STAB2: variants seen among roughly 807,000 people sequenced by gnomAD.
STAB2 encodes the protein stabilin-2.
In STAB2, 288 loss-of-function variants were observed where a neutral mutation model predicts 338.1. That is an observed-to-expected ratio of 0.85 (90% CI 0.77 to 0.94). STAB2 has a LOEUF of 0.94. STAB2 is among the 40% of genes least tolerant of loss of function. The pLI, the probability that STAB2 is intolerant of heterozygous loss-of-function variation, is 0.00. For synonymous variants in STAB2, 1,202 were observed against 1,193.3 expected (o/e 1.01, Z -0.15); for missense variants, 3,141 against 3,210.1 (o/e 0.98, Z 0.52).
intron 8 of STAB2, among the ~76,000 whole-genome samples, chr12:103,638,865 A>G (rs932390122): frequency 6.6e-6 from 1 of 152,190 alleles, no homozygotes; most frequent in Non-Finnish European, 1.5e-5. Flanking sequence ...AGTGAAGGAA[A>G]TGTGTCCATA....
Position 103,623,959 on chromosome 12 carries a change from A to C in STAB2, c.487+1848A>C, listed in dbSNP as rs147008069. 2.1e-4 allele frequency among the ~76,000 whole-genome samples: 32 copies of C among 152,308 alleles called. No homozygotes were observed. The East Asian group carries it at 6.2e-3, about 29-fold the overall frequency. On this transcript the variant is annotated intron_variant, in intron 5 of 68. Coordinates refer to ENST00000388887, the MANE Select transcript of STAB2 (RefSeq NM_017564.10). ...GTCTAAAGAATGTGGGCATGGTAGA[A>C]ACAGTGTCTGCTAGATCCACGTCTC...
chr12:103,681,279 A>G (rs893781278), intron 25 of STAB2, among the ~76,000 whole-genome samples: 2 of 152,170 alleles, frequency 1.3e-5, no homozygotes, highest in Non-Finnish European at 2.9e-5. Flanking sequence ...TTGAGTTGGC[A>G]GATTGCACTT....
At position 103,631,496 on chromosome 12, in the gene STAB2, C is replaced by T. The variant is rs545987642; in HGVS notation, c.488-102C>T. On this transcript the variant is annotated intron_variant, in intron 5 of 68. Transcript: ENST00000388887. ...GAGAGAGGAGCCAAAGTTCAAACAA[C>T]ATGCAGAGTCTCAGCAAAGATGATC... is the stretch of plus-strand genomic sequence containing the variant. 218 of 1,093,612 alleles carry T rather than the reference C, an allele frequency of 2.0e-4. No homozygotes were observed. The African/African-American group carries it at 3.2e-3, about 16-fold the overall frequency. The allele number at this position is 1,093,612 out of a possible 1,614,324, so 67.7% of individuals were successfully genotyped here.
chr12:103,664,742 A>T (rs990165660), intron 18 of STAB2, among the ~76,000 whole-genome samples: 1 of 152,140 alleles, frequency 6.6e-6, no homozygotes, highest in African/African-American at 2.4e-5. Context: ...TGATTCTTTT[A>T]ATTCTAGATA....
intron 20 of STAB2, chr12:103,669,201 C>T (rs1166408195): frequency 1.3e-5 from 4 of 297,470 alleles, no homozygotes; most frequent in Middle Eastern, 9.6e-4. Context: ...CTTTGTTTTC[C>T]CAGCACTCAC....
intron 5 of STAB2, among the ~76,000 whole-genome samples, chr12:103,625,878 A>G (rs1957373811): frequency 6.6e-6 from 1 of 152,188 alleles, no homozygotes; most frequent in African/African-American, 2.4e-5. Flanking sequence ...ATACCCAGTA[A>G]TGGGATGGCT....
intron 33 of STAB2, among the ~76,000 whole-genome samples, chr12:103,697,382 C>A (rs571719833): frequency 6.6e-6 from 1 of 152,224 alleles, no homozygotes; most frequent in African/African-American, 2.4e-5. Context: ...CTAACCCAAC[C>A]CATTTCTTTA....
rs749373115 is a variant in STAB2, at chr12:103,655,556, C to T, written c.1709C>T (p.Thr570Ile). Residue 570 changes from threonine (T) to isoleucine (I), a missense_variant, in exon 15 of 69, where the codon ACT becomes ATT. By Grantham distance (89) the Thr-to-Ile change is moderately conservative (BLOSUM62 -1). Coordinates refer to ENST00000388887, the MANE Select transcript of STAB2 (RefSeq NM_017564.10). ...NEALNNMKDG[T>I]LDYLLSPEGS... ...GCATTGAATAACATGAAGGACGGCA[C>T]TCTCGATTACCTCCTTTCTCCAGAG... 6 of 1,613,844 alleles carry T rather than the reference C, an allele frequency of 3.7e-6. No individual in the cohort carries two copies. The highest frequency in any genetic ancestry group is 3.3e-5 in the South Asian group (3 of 91,056).
chr12:103,653,846 GGA>G (rs1873966705), intron 12 of STAB2, among the ~76,000 whole-genome samples: 4 of 138,362 alleles, frequency 2.9e-5, no homozygotes, highest in Admixed American at 7.1e-5. Flanking sequence ...ATGGGTGGAT[GGA>G]TGGATGGATG....
intron 31 of STAB2, among the ~76,000 whole-genome samples, chr12:103,693,727 A>C (rs1478175703): frequency 1.3e-5 from 2 of 152,222 alleles, no homozygotes; most frequent in Non-Finnish European, 2.9e-5. Context: ...ATTGTAAGCT[A>C]CCCTGCAATT....
intron 42 of STAB2, among the ~76,000 whole-genome samples, chr12:103,714,664 G>A (rs1218963882): frequency 1.3e-5 from 2 of 150,776 alleles, no homozygotes; most frequent in South Asian, 4.2e-4. Flanking sequence ...TCCAGCCTGG[G>A]CGATGGAGTG....
chr12:103,729,372 C>T (rs919485730), intron 48 of STAB2, among the ~76,000 whole-genome samples: 5 of 151,786 alleles, frequency 3.3e-5, no homozygotes, highest in African/African-American at 1.2e-4. Flanking sequence ...TTTTTTTAAA[C>T]AAAGTAAGTG....
At chr12:103,677,051 G>A (rs1876445671) in intron 24 of STAB2, among the ~76,000 whole-genome samples, 1 of 152,152 alleles carries the variant, frequency 6.6e-6, no homozygotes, top group South Asian at 2.1e-4. Context: ...AGGCCCGGGA[G>A]CTAGTATAGT....
At chr12:103,640,027 G>C in intron 8 of STAB2, 96 bp from the exon 9 acceptor site, 1 of 1,445,860 alleles carries the variant, frequency 6.9e-7, no homozygotes, top group Non-Finnish European at 9.3e-7. Context: ...CTCTGAGTGA[G>C]TTTTTATGGA....
Position 103,670,878 on chromosome 12 carries a change from G to A in STAB2, c.2371+71G>A, listed in dbSNP as rs900680648. ...CCTCTCGTGCTGCAGCAGGGTGCTG[G>A]TGCAGGGCTGGTGTCTCAGGACCCC... On this transcript the variant is annotated intron_variant, in intron 22 of 68. Coordinates refer to ENST00000388887, the MANE Select transcript of STAB2 (RefSeq NM_017564.10). 1.5e-5 allele frequency: 19 copies of A among 1,270,478 alleles called. No individual in the cohort carries two copies. In the Admixed American group the frequency reaches 2.3e-4, roughly 15 times the overall value. 78.7% of individuals were successfully genotyped at this position (1,270,478 alleles called of 1,614,324 possible). A position where few individuals can be genotyped will look rare whatever the true frequency, so the allele number is the denominator to read the frequency against.
At chr12:103,708,613 A>T (rs1244712893) in intron 39 of STAB2, 77 bp downstream of exon 39, 1 of 1,346,800 alleles carries the variant, frequency 7.4e-7, no homozygotes. Context: ...TTTCTAAAAT[A>T]TAAATGACAC....
intron 5 of STAB2, among the ~76,000 whole-genome samples, chr12:103,628,516 G>A (rs148609900): frequency 1.2e-3 from 189 of 152,356 alleles, no homozygotes; most frequent in African/African-American, 4.3e-3. Flanking sequence ...TTCTGGAAGC[G>A]AGAAGTCAAA....
rs370988514 is a variant in STAB2, at chr12:103,745,175, T to C, written c.6034T>C (p.Cys2012Arg). The change falls in exon 57 of 69, where the codon TGT becomes CGT. Residue 2012 changes from cysteine to arginine, a missense_variant and splice_region_variant. By Grantham distance (180) the Cys-to-Arg change is radical. Coordinates refer to ENST00000388887, the MANE Select transcript of STAB2 (RefSeq NM_017564.10). Reference sequence around the variant, plus strand: ...ACCATATCCTAATTTGTTTACAGCCTGTGGCTGCTCAGACCACGGACAGTG... The same window carrying C: ...ACCATATCCTAATTTGTTTACAGCCCGTGGCTGCTCAGACCACGGACAGTG... ...PGRFGPDCLP[C>R]GCSDHGQCDD... 1 of 1,612,610 alleles carries C rather than the reference T, an allele frequency of 6.2e-7. No homozygotes were observed. The highest frequency in any genetic ancestry group is 8.5e-7 in the Non-Finnish European group (1 of 1,179,318).
intron 30 of STAB2, among the ~76,000 whole-genome samples, chr12:103,692,223 A>G (rs2138914176): frequency 6.6e-6 from 1 of 152,286 alleles, no homozygotes; most frequent in East Asian, 1.9e-4. Context: ...GCAGTCTCTG[A>G]GTGTAGCTGT....
Sources: allele counts gnomAD v4.1 joint callset (sites outside exome capture counted in the v4.1 genomes callset), GRCh38; gene constraint gnomAD v4.1.1; transcripts MANE v1.5; gene names NCBI Gene and HGNC (gene_info 2026-07-23, HGNC 2026-07-21).